Variants in ELOVL6 observed in about 807,000 individuals in gnomAD.
The protein encoded by ELOVL6 is ELOVL fatty acid elongase 6.
A neutral mutation model predicts 31.7 loss-of-function variants in ELOVL6; 8 were observed. The ratio of observed to expected loss-of-function variants is 0.25; its 90% CI spans 0.15 to 0.45. ELOVL6 has a LOEUF of 0.45. Ranked by LOEUF, ELOVL6 falls within the 20% of genes least tolerant of loss-of-function variation. The pLI, the probability that ELOVL6 is intolerant of heterozygous loss-of-function variation, is 1.00. For missense variants in ELOVL6, 126 were observed against 326.4 expected (o/e 0.39, Z 4.73); for synonymous variants, 101 against 117.7 (o/e 0.86, Z 0.92).
Position 110,157,166 on chromosome 4 carries a change from A to G in ELOVL6, c.89+41081T>C, listed in dbSNP as rs907262433. ...GGGAAAAGAAAGGCTCAAACATTTT[A>G]TTCGCCCCTAGTGTCAAGTAACCAC... On this transcript the variant is annotated intron_variant, in intron 1 of 3. Coordinates refer to ENST00000302274, the MANE Select transcript of ELOVL6 (RefSeq NM_024090.3). Among the ~76,000 whole-genome samples the G allele has an allele frequency of 3.9e-5, 6 of 152,308 alleles. No homozygotes were observed. The East Asian group carries it at 5.8e-4, about 15-fold the overall frequency.
chr4:110,057,853 G>GAA (rs755067574), intron 3 of ELOVL6, among the ~76,000 whole-genome samples: 3,922 of 90,726 alleles, frequency 0.043, 113 homozygotes, highest in Non-Finnish European at 0.051. Flanking sequence ...TCTGTCTCAG[G>GAA]GAAAAAAAAA....
intron 1 of ELOVL6, among the ~76,000 whole-genome samples, chr4:110,193,422 C>A (rs1324114731): frequency 6.6e-6 from 1 of 152,010 alleles, no homozygotes; most frequent in Admixed American, 6.6e-5. Context: ...CTGACCAACA[C>A]GGTGAATTCC....
At chr4:110,082,993 A>G (rs1403702534) in intron 2 of ELOVL6, among the ~76,000 whole-genome samples, 1 of 151,712 alleles carries the variant, frequency 6.6e-6, no homozygotes, top group Non-Finnish European at 1.5e-5. Flanking sequence ...CTAGTGCCCA[A>G]CATGAGCAAA....
At chr4:110,077,949 C>T (rs1053414273) in intron 2 of ELOVL6, among the ~76,000 whole-genome samples, 2 of 152,122 alleles carry the variant, frequency 1.3e-5, no homozygotes, top group African/African-American at 4.8e-5. Flanking sequence ...AATGCACAAG[C>T]CTCAGTAGCC....
intron 2 of ELOVL6, among the ~76,000 whole-genome samples, chr4:110,084,564 A>ATT (rs1560815815): frequency 6.0e-5 from 2 of 33,218 alleles, no homozygotes; most frequent in African/African-American, 5.3e-4. Flanking sequence ...ACACACACAG[A>ATT]TATATATATA....
At chr4:110,074,659 G>C (rs980022998) in intron 2 of ELOVL6, among the ~76,000 whole-genome samples, 1 of 152,170 alleles carries the variant, frequency 6.6e-6, no homozygotes, top group African/African-American at 2.4e-5. Flanking sequence ...ATATATTATA[G>C]TACGCCAGAT....
intron 3 of ELOVL6, among the ~76,000 whole-genome samples, chr4:110,058,259 C>T (rs964803054): frequency 6.6e-6 from 1 of 152,080 alleles, no homozygotes; most frequent in South Asian, 2.1e-4. Context: ...TCATATGATC[C>T]GTGTGTGTAG....
At chr4:110,193,417 C>CA (rs1759683007) in intron 1 of ELOVL6, among the ~76,000 whole-genome samples, 1 of 152,034 alleles carries the variant, frequency 6.6e-6, no homozygotes, top group African/African-American at 2.4e-5. Flanking sequence ...CCAACCTGAC[C>CA]AACACGGTGA....
chr4:110,069,378 C>T (rs1303098065), intron 2 of ELOVL6, among the ~76,000 whole-genome samples: 1 of 151,480 alleles, frequency 6.6e-6, no homozygotes, highest in Admixed American at 6.6e-5. Flanking sequence ...CTAATAGCCT[C>T]GACCCCATCA....
In ELOVL6 at chr4:110,051,015, C is replaced by T. The variant is rs1754823665; in HGVS notation, c.*323G>A. ...TACATTTTTTCCTATGTGTTAATAGCCTTTGTTTGCCTTTGATTAGTCTCC... is the reference window on the plus strand; with the variant it reads ...TACATTTTTTCCTATGTGTTAATAGTCTTTGTTTGCCTTTGATTAGTCTCC... On this transcript the variant is annotated 3_prime_UTR_variant, in exon 4 of 4. Transcript: ENST00000302274. This position sits in a 1 kb window ranked among gnomAD's most constrained non-coding sequence, Gnocchi z 4.8. The T allele has an allele frequency of 3.5e-6, 1 of 288,634 alleles. No individual in the cohort carries two copies. The highest frequency in any genetic ancestry group is 2.2e-5 in the African/African-American group (1 of 46,042). The allele number at this position is 288,634 out of a possible 1,614,324, so 17.9% of individuals were successfully genotyped here.
chr4:110,075,997 T>G (rs1160232164), intron 2 of ELOVL6, among the ~76,000 whole-genome samples: 1 of 152,040 alleles, frequency 6.6e-6, no homozygotes, highest in African/African-American at 2.4e-5. Context: ...CAATGAAGAG[T>G]TGATACCCTG....
At chr4:110,110,824 C>A (rs72679224) in intron 1 of ELOVL6, among the ~76,000 whole-genome samples, 11,647 of 152,090 alleles carry the variant, frequency 0.077, 628 homozygotes, top group East Asian at 0.19. Context: ...CAAGACAAAG[C>A]CATAACTAAG....
chr4:110,052,159 G>A (rs749579490), intron 3 of ELOVL6, among the ~76,000 whole-genome samples: 1 of 152,148 alleles, frequency 6.6e-6, no homozygotes, highest in Non-Finnish European at 1.5e-5. Context: ...ATACATTTTA[G>A]GAAATACCAC....
chr4:110,138,561 A>G (rs745319181), intron 1 of ELOVL6, among the ~76,000 whole-genome samples: 2 of 152,190 alleles, frequency 1.3e-5, no homozygotes, highest in Non-Finnish European at 2.9e-5. Context: ...ATGCCTCCCT[A>G]AAGACATGGG....
intron 1 of ELOVL6, among the ~76,000 whole-genome samples, chr4:110,142,069 T>A (rs1757980822): frequency 2.6e-5 from 2 of 77,582 alleles, no homozygotes; most frequent in East Asian, 3.8e-4. Flanking sequence ...TTACTAACTT[T>A]TTTTTTTTTT....
intron 1 of ELOVL6, among the ~76,000 whole-genome samples, chr4:110,118,369 C>T (rs1271008742): frequency 6.6e-6 from 1 of 152,164 alleles, no homozygotes; most frequent in Non-Finnish European, 1.5e-5. Context: ...TTACTGCAGT[C>T]ATCTCTTTAT....
intron 1 of ELOVL6, among the ~76,000 whole-genome samples, chr4:110,111,280 G>GA (rs1757026690): frequency 6.6e-6 from 1 of 151,038 alleles, no homozygotes; most frequent in Admixed American, 6.6e-5. Context: ...ATGTTAAAAC[G>GA]AAAAAACTGC....
At position 110,198,378 on chromosome 4, in the gene ELOVL6, T is replaced by G. The variant is rs536846075; in HGVS notation, c.-43A>C. The G allele has an allele frequency of 3.3e-6, 4 of 1,203,454 alleles. No homozygotes were observed. In the East Asian group the frequency reaches 9.3e-5, roughly 28 times the overall value. The allele number at this position is 1,203,454 out of a possible 1,614,324, so 74.5% of individuals were successfully genotyped here. A position where few individuals can be genotyped will look rare whatever the true frequency, so the allele number is the denominator to read the frequency against. ...GTCGCTACGTGTTCTCTATACAAAA[T>G]AAAATAATCTGTAAAGCGCTTGATT... On this transcript the variant is annotated 5_prime_UTR_variant, in exon 1 of 4. Transcript: ENST00000302274.
At chr4:110,085,163 G>A (rs1007877748) in intron 2 of ELOVL6, among the ~76,000 whole-genome samples, 1 of 152,168 alleles carries the variant, frequency 6.6e-6, no homozygotes, top group Non-Finnish European at 1.5e-5. Context: ...GGCAATGTAT[G>A]TGCATGCGTT....
Sources: allele counts gnomAD v4.1 joint callset (sites outside exome capture counted in the v4.1 genomes callset), GRCh38; gene constraint gnomAD v4.1.1; non-coding constraint Gnocchi (gnomAD v3.1); transcripts MANE v1.5; gene names NCBI Gene and HGNC (gene_info 2026-07-23, HGNC 2026-07-21).